CPNE4: variants seen among roughly 807,000 people sequenced by gnomAD.
The protein encoded by CPNE4 is copine-4.
CPNE4 carries 25 observed loss-of-function variants against 67.9 expected under a neutral mutation model. That is an observed-to-expected ratio of 0.37 (90% CI 0.27 to 0.51). The LOEUF is 0.51. CPNE4 is among the 20% of genes least tolerant of loss of function. CPNE4 has a pLI of 0.93. For synonymous variants in CPNE4, 242 were observed against 244.9 expected (o/e 0.99, Z 0.11); for missense variants, 464 against 690.8 (o/e 0.67, Z 3.68).
intron 2 of CPNE4, among the ~76,000 whole-genome samples, chr3:131,731,518 C>T (rs1238252936): frequency 6.6e-6 from 1 of 152,090 alleles, no homozygotes; most frequent in Non-Finnish European, 1.5e-5. Context: ...CCAAATGCTG[C>T]GTGTCCTCTA....
intron 11 of CPNE4, among the ~76,000 whole-genome samples, chr3:131,556,644 T>C (rs1936471383): frequency 6.6e-6 from 1 of 152,026 alleles, no homozygotes; most frequent in Non-Finnish European, 1.5e-5. Context: ...AGTTAATGAG[T>C]ACATAATCCA....
At chr3:131,977,603 C>A (rs1214014116) in intron 1 of CPNE4, among the ~76,000 whole-genome samples, 1 of 152,116 alleles carries the variant, frequency 6.6e-6, no homozygotes, top group East Asian at 1.9e-4. Context: ...CAATAGAAAC[C>A]ACTGCTATGG....
intron 2 of CPNE4, among the ~76,000 whole-genome samples, chr3:131,858,570 T>C (rs547471160): frequency 3.9e-5 from 6 of 152,276 alleles, no homozygotes; most frequent in African/African-American, 1.2e-4. Flanking sequence ...TTAGGTATCA[T>C]GACATTCTAA....
At chr3:131,742,590 C>G (rs2082385670) in intron 2 of CPNE4, among the ~76,000 whole-genome samples, 1 of 152,020 alleles carries the variant, frequency 6.6e-6, no homozygotes, top group African/African-American at 2.4e-5. Flanking sequence ...ACTTTTTTCT[C>G]TTATGTATAT....
At chr3:131,859,627 T>C (rs1471513056) in intron 2 of CPNE4, among the ~76,000 whole-genome samples, 1 of 152,120 alleles carries the variant, frequency 6.6e-6, no homozygotes, top group Non-Finnish European at 1.5e-5. Context: ...TCAGCAATTT[T>C]TAAAGGTCCA....
chr3:131,975,467 G>GC (rs1298888027), intron 1 of CPNE4, among the ~76,000 whole-genome samples: 1 of 152,174 alleles, frequency 6.6e-6, no homozygotes, highest in Non-Finnish European at 1.5e-5. Context: ...ATTGCTATCA[G>GC]CCTAGGCTTC....
intron 7 of CPNE4, among the ~76,000 whole-genome samples, chr3:131,600,351 C>A (rs1939133399): frequency 6.6e-6 from 1 of 152,074 alleles, no homozygotes; most frequent in Admixed American, 6.6e-5. Flanking sequence ...ATGATCCATG[C>A]CATGAAGTAG....
At chr3:131,906,516 T>TCC (rs2088772205) in intron 1 of CPNE4, among the ~76,000 whole-genome samples, 3 of 151,180 alleles carry the variant, frequency 2.0e-5, no homozygotes, top group African/African-American at 7.3e-5. Flanking sequence ...GGTTTTTTGT[T>TCC]CTTGCGATAG....
intron 7 of CPNE4, among the ~76,000 whole-genome samples, chr3:131,638,436 A>G (rs1370398071): frequency 6.6e-6 from 1 of 152,182 alleles, no homozygotes; most frequent in African/African-American, 2.4e-5. Context: ...AGGTGATAGT[A>G]TAATGATAAA....
At chr3:132,032,776 A>C (rs2074263991) in intron 1 of CPNE4, among the ~76,000 whole-genome samples, 1 of 152,184 alleles carries the variant, frequency 6.6e-6, no homozygotes, top group African/African-American at 2.4e-5. Context: ...AGGGAAATGA[A>C]AATATCAGAA....
chr3:131,624,045 C>T (rs1421685023), intron 7 of CPNE4, among the ~76,000 whole-genome samples: 1 of 152,118 alleles, frequency 6.6e-6, no homozygotes, highest in Non-Finnish European at 1.5e-5. Context: ...CCCTTCTCAC[C>T]ATCCTCCTTA....
chr3:131,774,875 CT>C (rs1238873151), intron 2 of CPNE4, among the ~76,000 whole-genome samples: 1 of 152,060 alleles, frequency 6.6e-6, no homozygotes, highest in Non-Finnish European at 1.5e-5. Flanking sequence ...TGAAAATTGT[CT>C]TTTTTCAAGC....
intron 2 of CPNE4, among the ~76,000 whole-genome samples, chr3:131,861,469 T>G (rs1284933049): frequency 2.0e-5 from 3 of 150,666 alleles, no homozygotes; most frequent in Admixed American, 2.0e-4. Context: ...TTGCTGTTGT[T>G]GCCCAGGCTG....
rs552056403 is a variant in CPNE4, at chr3:131,993,471, G to T, written c.-2+41096C>A. On this transcript the variant is annotated intron_variant, in intron 1 of 15. Transcript: ENST00000429747. ...CACCCTGATTTCGTGTGCAGGAGTG[G>T]CAAAAAAAAAAAAAAAAAGCATAGC... is the stretch of plus-strand genomic sequence containing the variant. 1.9e-3 allele frequency among the ~76,000 whole-genome samples: 12 copies of T among 6,420 alleles called. 2 individuals are homozygous for T. The East Asian group carries it at 0.032, about 17-fold the overall frequency. The allele number at this position is 6,420 out of a possible 152,430, so 4.2% of individuals were successfully genotyped here. A position where few individuals can be genotyped will look rare whatever the true frequency, so the allele number is the denominator to read the frequency against.
At chr3:131,908,006 A>G (rs1227783950) in intron 1 of CPNE4, among the ~76,000 whole-genome samples, 1 of 152,134 alleles carries the variant, frequency 6.6e-6, no homozygotes, top group Non-Finnish European at 1.5e-5. Flanking sequence ...CAGCTTGCCC[A>G]TATTATGCAA....
At chr3:131,975,076 G>A (rs925834345) in intron 1 of CPNE4, among the ~76,000 whole-genome samples, 1 of 151,942 alleles carries the variant, frequency 6.6e-6, no homozygotes, top group Non-Finnish European at 1.5e-5. Context: ...TTCAAAATTC[G>A]TATTATTCAT....
At chr3:131,609,433 C>T (rs148548851) in intron 7 of CPNE4, among the ~76,000 whole-genome samples, 83 of 152,246 alleles carry the variant, frequency 5.5e-4, no homozygotes, top group South Asian at 5.2e-3. Context: ...ATGAGGTGTG[C>T]TCTCTCCATT....
chr3:131,796,872 A>G (rs1410260783), intron 2 of CPNE4, among the ~76,000 whole-genome samples: 1 of 152,202 alleles, frequency 6.6e-6, no homozygotes, highest in Non-Finnish European at 1.5e-5. Context: ...TAATACACAC[A>G]TAGTCTTTTC....
intron 2 of CPNE4, among the ~76,000 whole-genome samples, chr3:131,749,160 T>G (rs2082562698): frequency 6.6e-6 from 1 of 152,146 alleles, no homozygotes; most frequent in South Asian, 2.1e-4. Flanking sequence ...CTTCAATGTA[T>G]TTTTACATTT....
Sources: allele counts gnomAD v4.1 joint callset (sites outside exome capture counted in the v4.1 genomes callset), GRCh38; gene constraint gnomAD v4.1.1; transcripts MANE v1.5; gene names NCBI Gene and HGNC (gene_info 2026-07-23, HGNC 2026-07-21).